Variants in TRDN observed in about 807,000 individuals in gnomAD.
TRDN encodes the protein triadin in skeletal muscle.
TRDN carries 161 observed loss-of-function variants against 149.7 expected under a neutral mutation model. The observed-to-expected ratio is 1.08, with a 90% CI of 0.95 to 1.23. The LOEUF is 1.23. Among genes scored for constraint, TRDN ranks in the 50% most tolerant of loss-of-function variants. The probability of loss-of-function intolerance (pLI) is 0.00; values close to 1 mark genes in which losing one functional copy is unlikely to be tolerated. For missense variants in TRDN, 896 were observed against 823.5 expected, an observed-to-expected ratio of 1.09 and a Z score of -1.08; for synonymous variants, 294 against 250.5, an observed-to-expected ratio of 1.17 and a Z score of -1.64.
At chr6:123,610,464 T>A (rs76160960) in intron 1 of TRDN, among the ~76,000 whole-genome samples, 8,110 of 152,230 alleles carry the variant, frequency 0.053, 737 homozygotes, top group African/African-American at 0.18. Flanking sequence ...CTGAATGCCT[T>A]CTATGTACCA....
chr6:123,362,812 T>C (rs935173958), intron 20 of TRDN, among the ~76,000 whole-genome samples: 6 of 152,164 alleles, frequency 3.9e-5, no homozygotes, highest in African/African-American at 1.4e-4. Flanking sequence ...TATTTTAAAT[T>C]GCTCAAGAAC....
At chr6:123,391,706 T>C (rs550994325) in intron 13 of TRDN, among the ~76,000 whole-genome samples, 2 of 152,136 alleles carry the variant, frequency 1.3e-5, no homozygotes, top group East Asian at 1.9e-4. Flanking sequence ...TACATATGTA[T>C]GGAAAGCCAG....
chr6:123,496,465 C>T (rs561286450), intron 9 of TRDN, among the ~76,000 whole-genome samples: 12 of 152,154 alleles, frequency 7.9e-5, no homozygotes, highest in African/African-American at 2.9e-4. Flanking sequence ...TGAGCTCCTT[C>T]CTTAACAATA....
chr6:123,334,292 C>T lies in TRDN; in HGVS notation c.1421-2363G>A, dbSNP rs551026394. ...GCCATTATATCCAAACATACACAGA[C>T]GTGGGGGGCAAAACTAGTCAATAAT... On this transcript the variant is annotated intron_variant, in intron 22 of 40. Transcript: ENST00000334268. 7.9e-5 allele frequency among the ~76,000 whole-genome samples: 12 copies of T among 152,110 alleles called. No homozygotes were observed. The East Asian group carries it at 1.5e-3, about 20-fold the overall frequency.
intron 34 of TRDN, 83 bp from the exon 35 acceptor site, chr6:123,259,745 T>C (rs1582789091): frequency 3.1e-6 from 3 of 982,560 alleles, no homozygotes; most frequent in Non-Finnish European, 4.5e-6. Context: ...CAGTTGGAGA[T>C]GAGACTTAAT....
chr6:123,404,377 C>A (rs1176893713), intron 12 of TRDN, among the ~76,000 whole-genome samples: 7 of 152,130 alleles, frequency 4.6e-5, no homozygotes. Context: ...AATTACTGAG[C>A]CATTTAGATT....
At chr6:123,267,835 A>T (rs943207820) in intron 31 of TRDN, 84 bp from the exon 32 acceptor site, 3 of 1,073,176 alleles carry the variant, frequency 2.8e-6, no homozygotes, top group Admixed American at 2.9e-5. Context: ...AGTGATCCTC[A>T]GTTTACCCAA....
rs150175350 is a variant in TRDN at position 123,230,230 on chromosome 6, G to A, written c.1976-6099C>T. Among the ~76,000 whole-genome samples the A allele has an allele frequency of 6.3e-3, 964 of 151,924 alleles. 6 individuals carry two copies. Among genetic ancestry groups the A allele is most frequent in the African/African-American group, 0.022 (908 of 41,454 alleles). On this transcript the variant is annotated intron_variant, in intron 38 of 40. Transcript: ENST00000334268. ...CATAAAAAAAGGATGATTTCATGTC[G>A]TTTGTAGGGACATGGATGAACCTGG... is the stretch of plus-strand genomic sequence containing the variant.
rs137916054 is a variant in TRDN at position 123,523,057 on chromosome 6, T to C, written c.485-6851A>G. ...ATATACCCACAATTAAAATATGTTG[T>C]CAAAGTGCTTGGAAGAGCAAAAGCT... On this transcript the variant is annotated intron_variant, in intron 5 of 40. Transcript: ENST00000334268. 5.3e-5 allele frequency among the ~76,000 whole-genome samples: 8 copies of C among 152,170 alleles called. No individual in the cohort carries two copies. In the East Asian group the frequency reaches 1.6e-3, roughly 30 times the overall value.
chr6:123,351,980 A>G, intron 21 of TRDN: 1 of 978,178 alleles, frequency 1.0e-6, no homozygotes, highest in Non-Finnish European at 1.2e-6. Flanking sequence ...AATACAAATA[A>G]AATGCATTAA....
chr6:123,636,627 A>G lies in TRDN; in HGVS notation c.22+127T>C. ...CCTAAATCCACTTCTCAGATCCTGTATAGAATCATTGACCAAGGCAATTAC... is the reference window on the plus strand; with the variant it reads ...CCTAAATCCACTTCTCAGATCCTGTGTAGAATCATTGACCAAGGCAATTAC... On this transcript the variant is annotated intron_variant, in intron 1 of 40. Coordinates refer to ENST00000334268, the MANE Select transcript of TRDN (RefSeq NM_006073.4). 3 of 1,077,022 alleles carry G rather than the reference A, an allele frequency of 2.8e-6. No homozygotes were observed. In the South Asian group the frequency reaches 4.1e-5, roughly 15 times the overall value. 66.7% of individuals were successfully genotyped at this position (1,077,022 alleles called of 1,614,324 possible).
At chr6:123,241,435 T>C (rs928663344) in intron 38 of TRDN, among the ~76,000 whole-genome samples, 4 of 151,592 alleles carry the variant, frequency 2.6e-5, no homozygotes, top group African/African-American at 7.2e-5. Flanking sequence ...TATCTTATGC[T>C]TAAATTTCAG....
rs199638054 is a variant in TRDN, at chr6:123,319,222, C to CT, written c.1472-2728dup. ...GCATGATCTTTCAAAGTAATTTTCT[C>CT]TTTTTTTTTTAAACAGAATTGGGAT... On this transcript the variant is annotated intron_variant, in intron 23 of 40. Transcript: ENST00000334268. Among the ~76,000 whole-genome samples the CT allele has an allele frequency of 4.1e-3, 607 of 148,372 alleles. 5 individuals carry two copies. Among genetic ancestry groups the CT allele is most frequent in the African/African-American group, 0.013 (531 of 40,520 alleles).
At chr6:123,245,917 C>T (rs769713793) in intron 38 of TRDN, among the ~76,000 whole-genome samples, 1 of 152,114 alleles carries the variant, frequency 6.6e-6, no homozygotes, top group East Asian at 1.9e-4. Flanking sequence ...CAAATTATAA[C>T]TCAGGATTAA....
chr6:123,479,369 GA>G (rs1777643487), intron 9 of TRDN, among the ~76,000 whole-genome samples: 1 of 152,176 alleles, frequency 6.6e-6, no homozygotes, highest in Non-Finnish European at 1.5e-5. Flanking sequence ...GCTTCAAGAT[GA>G]AGAAAGATAG....
chr6:123,603,152 CTTT>C (rs1562420367), intron 1 of TRDN, among the ~76,000 whole-genome samples: 6 of 39,742 alleles, frequency 1.5e-4, no homozygotes, highest in African/African-American at 3.8e-4. Context: ...TTTATTTTTA[CTTT>C]TTTCTGTGTA....
chr6:123,597,014 C>T (rs1238868400), intron 1 of TRDN, among the ~76,000 whole-genome samples: 2 of 152,008 alleles, frequency 1.3e-5, no homozygotes, highest in Non-Finnish European at 2.9e-5. Flanking sequence ...TTAAGAAATA[C>T]GTTTTTGTAA....
At chr6:123,323,535 T>G (rs911733242) in intron 23 of TRDN, among the ~76,000 whole-genome samples, 4 of 152,170 alleles carry the variant, frequency 2.6e-5, no homozygotes, top group Admixed American at 2.6e-4. Context: ...CTAAAATGGC[T>G]CCAGTTTGTA....
chr6:123,419,671 C>G (rs1773811257), intron 12 of TRDN, among the ~76,000 whole-genome samples: 1 of 152,138 alleles, frequency 6.6e-6, no homozygotes, highest in African/African-American at 2.4e-5. Context: ...TTAAAAGCTT[C>G]TGAGATGGAG....
Sources: allele counts gnomAD v4.1 joint callset (sites outside exome capture counted in the v4.1 genomes callset), GRCh38; gene constraint gnomAD v4.1.1; transcripts MANE v1.5; gene names NCBI Gene and HGNC (gene_info 2026-07-23, HGNC 2026-07-21).